TASP1: variants seen among roughly 807,000 people sequenced by gnomAD.
The protein encoded by TASP1 is threonine aspartase 1.
A neutral mutation model predicts 56.6 loss-of-function variants in TASP1; 16 were observed. The ratio of observed to expected loss-of-function variants is 0.28; its 90% confidence interval spans 0.19 to 0.43. The LOEUF (loss-of-function observed/expected upper bound fraction) is 0.43, where lower values mean the gene tolerates loss of function less well. Ranked by LOEUF, TASP1 falls within the 20% of genes least tolerant of loss-of-function variation. The probability of loss-of-function intolerance (pLI) is 1.00; values close to 1 mark genes in which losing one functional copy is unlikely to be tolerated. For synonymous variants in TASP1, 179 were observed against 184.2 expected, an observed-to-expected ratio of 0.97 and a Z score of 0.23; for missense variants, 393 against 511.6, an observed-to-expected ratio of 0.77 and a Z score of 2.24.
the TASP1 span, among the ~76,000 whole-genome samples, chr20:13,217,903 G>A: frequency 6.6e-6 from 1 of 152,092 alleles, no homozygotes; most frequent in Non-Finnish European, 1.5e-5. Context: ...TTTCTCTTTT[G>A]AGCAGTAACT....
chr20:13,333,966 T>C, the TASP1 span, among the ~76,000 whole-genome samples: 1 of 152,226 alleles, frequency 6.6e-6, no homozygotes, highest in Admixed American at 6.5e-5. Context: ...CTATTCAGTG[T>C]TTATGATCCC....
intron 12 of TASP1, among the ~76,000 whole-genome samples, chr20:13,423,265 A>C (rs190377159): frequency 3.2e-4 from 49 of 152,312 alleles, no homozygotes; most frequent in African/African-American, 1.1e-3. Context: ...AGTAAAATCC[A>C]AAACCAAATC....
At chr20:13,534,552 TTAAG>T (rs1456058385) in intron 8 of TASP1, among the ~76,000 whole-genome samples, 1 of 152,184 alleles carries the variant, frequency 6.6e-6, no homozygotes, top group African/African-American at 2.4e-5. Flanking sequence ...TGGTATTTCT[TTAAG>T]TATTATATAC....
At chr20:13,520,855 A>C (rs1391341701) in intron 10 of TASP1, among the ~76,000 whole-genome samples, 1 of 152,158 alleles carries the variant, frequency 6.6e-6, no homozygotes, top group Non-Finnish European at 1.5e-5. Flanking sequence ...AATGGGAGAA[A>C]ATTTTTGCAA....
intron 11 of TASP1, among the ~76,000 whole-genome samples, chr20:13,478,025 CACTT>C (rs1187996117): frequency 6.6e-6 from 1 of 152,126 alleles, no homozygotes; most frequent in Non-Finnish European, 1.5e-5. Context: ...ACAAACCCTA[CACTT>C]AAGATGGTGG....
the TASP1 span, among the ~76,000 whole-genome samples, chr20:13,306,061 C>A: frequency 2.0e-5 from 3 of 147,144 alleles, no homozygotes; most frequent in African/African-American, 7.7e-5. Flanking sequence ...TATAGATATT[C>A]ACGATTGCCC....
chr20:13,574,769 T>C (rs1048477946), intron 6 of TASP1, among the ~76,000 whole-genome samples: 2 of 151,994 alleles, frequency 1.3e-5, no homozygotes, highest in African/African-American at 2.4e-5. Context: ...AACTTGAAGA[T>C]AGCAATAGAA....
the TASP1 span, among the ~76,000 whole-genome samples, chr20:13,325,874 G>A: frequency 1.9e-4 from 29 of 152,038 alleles, no homozygotes; most frequent in Admixed American, 1.3e-4. Flanking sequence ...CAAAATGGAG[G>A]TTTCCTTATG....
At chr20:13,229,373 C>A in the TASP1 span, among the ~76,000 whole-genome samples, 1 of 152,106 alleles carries the variant, frequency 6.6e-6, no homozygotes, top group Non-Finnish European at 1.5e-5. Context: ...CTTCCATTAC[C>A]GTAGATTAGT....
chr20:13,105,574 G>T, the TASP1 span, among the ~76,000 whole-genome samples: 1 of 152,178 alleles, frequency 6.6e-6, no homozygotes, highest in Admixed American at 6.5e-5. Context: ...TCGTGTTTAT[G>T]TGACCTTTTT....
At chr20:13,533,490 C>T (rs1455617221) in intron 9 of TASP1, among the ~76,000 whole-genome samples, 1 of 152,086 alleles carries the variant, frequency 6.6e-6, no homozygotes, top group Admixed American at 6.6e-5. Flanking sequence ...AGACCATCTC[C>T]ATTTCTAGAT....
At chr20:13,607,739 C>T (rs1380247770) in intron 4 of TASP1, among the ~76,000 whole-genome samples, 2 of 152,068 alleles carry the variant, frequency 1.3e-5, no homozygotes, top group Non-Finnish European at 1.5e-5. Flanking sequence ...ATTGAATGTC[C>T]TATCAAAATC....
intron 10 of TASP1, among the ~76,000 whole-genome samples, chr20:13,524,134 C>T (rs2044878758): frequency 6.6e-6 from 1 of 151,332 alleles, no homozygotes; most frequent in African/African-American, 2.4e-5. Context: ...GCCTAGGCGA[C>T]AGAGTGAGAC....
At chr20:13,123,566 C>T in the TASP1 span, among the ~76,000 whole-genome samples, 1 of 152,284 alleles carries the variant, frequency 6.6e-6, no homozygotes, top group East Asian at 1.9e-4. Flanking sequence ...AGCTATTGGG[C>T]ATCAGAGGCT....
chr20:13,443,367 T>C (rs2043289699), intron 11 of TASP1, among the ~76,000 whole-genome samples: 2 of 152,236 alleles, frequency 1.3e-5, no homozygotes, highest in Non-Finnish European at 2.9e-5. Context: ...GCGCTTTCTA[T>C]ATCCACAGAG....
chr20:13,416,159 G>C (rs2042246793), intron 13 of TASP1, among the ~76,000 whole-genome samples: 1 of 152,016 alleles, frequency 6.6e-6, no homozygotes, highest in African/African-American at 2.4e-5. Flanking sequence ...AACCACATGT[G>C]GCTAGTAGCT....
the TASP1 span, among the ~76,000 whole-genome samples, chr20:13,308,464 A>G: frequency 1.6e-3 from 244 of 152,292 alleles, 1 homozygote; most frequent in African/African-American, 5.0e-3. Context: ...TGAATTGAAC[A>G]GTACTTTGCC....
chr20:13,445,386 A>T (rs924792103), intron 11 of TASP1, among the ~76,000 whole-genome samples: 2 of 152,218 alleles, frequency 1.3e-5, no homozygotes, highest in African/African-American at 2.4e-5. Context: ...GAAAAAAACA[A>T]CATATTTTGA....
intron 4 of TASP1, among the ~76,000 whole-genome samples, chr20:13,601,679 T>C (rs2047961987): frequency 6.6e-6 from 1 of 152,058 alleles, no homozygotes; most frequent in African/African-American, 2.4e-5. Context: ...GAATACAGTA[T>C]ATGTGTAGAG....
Sources: gnomAD v4.1 joint callset for allele counts (sites outside exome capture counted in the v4.1 genomes callset) on GRCh38, gnomAD v4.1.1 for gene constraint, MANE v1.5 for transcripts, NCBI Gene and HGNC (gene_info 2026-07-23, HGNC 2026-07-21) for gene names.